Variants in FGGY observed in about 807,000 individuals in gnomAD.
FGGY encodes FGGY carbohydrate kinase domain-containing protein.
FGGY carries 72 observed loss-of-function variants against 71.3 expected under a neutral mutation model. That is an observed-to-expected ratio of 1.01 (90% CI 0.84 to 1.23). FGGY has a LOEUF of 1.23. Ranked by LOEUF, FGGY falls within the 50% of genes most tolerant of loss-of-function variation. FGGY has a pLI of 0.00. For missense variants in FGGY, 668 were observed against 682.3 expected, an observed-to-expected ratio of 0.98 and a Z score of 0.23; for synonymous variants, 251 against 250.3, an observed-to-expected ratio of 1.00 and a Z score of -0.02.
chr1:59,460,621 G>T (rs762280605), intron 6 of FGGY, among the ~76,000 whole-genome samples: 1 of 152,182 alleles, frequency 6.6e-6, no homozygotes, highest in South Asian at 2.1e-4. Flanking sequence ...CCTCACCCCC[G>T]TGTAGCCTAA....
In FGGY at chr1:59,557,945, C is replaced by T. The variant is rs1366511793; in HGVS notation, c.903+3718C>T. Among the ~76,000 whole-genome samples, 7 of 152,174 alleles carry T rather than the reference C, an allele frequency of 4.6e-5. No individual in the cohort carries two copies. The East Asian group carries it at 1.2e-3, about 25-fold the overall frequency. On this transcript the variant is annotated intron_variant, in intron 8 of 15. Coordinates refer to ENST00000303721, the MANE Select transcript of FGGY (RefSeq NM_018291.5). ...TGGGAACTACATCTGCATCTTAAAT[C>T]GCTCAGAACTGAAGTTTTTTCAGTC...
intron 5 of FGGY, among the ~76,000 whole-genome samples, chr1:59,429,836 A>C (rs112316334): frequency 3.3e-5 from 5 of 152,354 alleles, no homozygotes; most frequent in African/African-American, 1.2e-4. Flanking sequence ...CTGGAGTAAT[A>C]AGTGAGTGAC....
At chr1:59,376,581 G>C (rs962198054) in intron 4 of FGGY, among the ~76,000 whole-genome samples, 1 of 152,152 alleles carries the variant, frequency 6.6e-6, no homozygotes. Context: ...ACATGTGGAA[G>C]CCCTTTATAA....
intron 14 of FGGY, among the ~76,000 whole-genome samples, chr1:59,746,285 G>A (rs1341905755): frequency 1.3e-5 from 2 of 152,158 alleles, no homozygotes; most frequent in African/African-American, 2.4e-5. Context: ...TACTTGTCTG[G>A]AAATGATAAT....
chr1:59,685,399 A>G (rs2097536359), intron 14 of FGGY, among the ~76,000 whole-genome samples: 1 of 152,084 alleles, frequency 6.6e-6, no homozygotes, highest in Non-Finnish European at 1.5e-5. Flanking sequence ...ATTAGTGAAC[A>G]GAATAATTTA....
intron 8 of FGGY, among the ~76,000 whole-genome samples, chr1:59,554,556 A>C (rs756980674): frequency 2.0e-5 from 3 of 152,170 alleles, no homozygotes; most frequent in Non-Finnish European, 4.4e-5. Context: ...TCTGTCCCTA[A>C]TGGGTAGCGG....
intron 14 of FGGY, among the ~76,000 whole-genome samples, chr1:59,750,722 G>GAACAA (rs1422718356): frequency 6.6e-6 from 1 of 152,108 alleles, no homozygotes; most frequent in Non-Finnish European, 1.5e-5. Context: ...ATAAATAAGA[G>GAACAA]AACAACTAGC....
chr1:59,715,258 A>T (rs2097836410), intron 14 of FGGY, among the ~76,000 whole-genome samples: 1 of 152,208 alleles, frequency 6.6e-6, no homozygotes, highest in Non-Finnish European at 1.5e-5. Context: ...CAGCTGATCC[A>T]TTGGTACCAT....
chr1:59,430,111 G>GT (rs1173675426), intron 5 of FGGY, among the ~76,000 whole-genome samples: 3 of 152,178 alleles, frequency 2.0e-5, no homozygotes, highest in African/African-American at 7.2e-5. Context: ...TGTATCTTCA[G>GT]TTTTGCATGT....
At position 59,753,848 on chromosome 1, in the gene FGGY, G is replaced by T. The variant is rs977978838; in HGVS notation, c.1513-4083G>T. On this transcript the variant is annotated intron_variant, in intron 14 of 15. Transcript: ENST00000303721. ...TGTGCAGTAGAGCTAGTTTTTCCCT[G>T]CTCTGGTTAAAAATCCTGGTGGTTC... is the stretch of plus-strand genomic sequence containing the variant. Among the ~76,000 whole-genome samples the T allele has an allele frequency of 2.0e-5, 3 of 151,928 alleles. No individual in the cohort carries two copies. The East Asian group carries it at 5.8e-4, about 29-fold the overall frequency.
intron 6 of FGGY, among the ~76,000 whole-genome samples, chr1:59,489,112 G>A (rs898479549): frequency 3.3e-5 from 5 of 151,872 alleles, no homozygotes; most frequent in South Asian, 2.1e-4. Flanking sequence ...TTTAATTGAC[G>A]TTTTATACAT....
At chr1:59,701,610 T>G (rs1192028185) in intron 14 of FGGY, among the ~76,000 whole-genome samples, 1 of 152,108 alleles carries the variant, frequency 6.6e-6, no homozygotes, top group Admixed American at 6.6e-5. Context: ...ATGCCTCAGC[T>G]TTGGGGAGGC....
chr1:59,510,060 TACATAATGCTTGTTCTAA>T (rs2094483528), intron 6 of FGGY, among the ~76,000 whole-genome samples: 5 of 150,478 alleles, frequency 3.3e-5, no homozygotes, highest in African/African-American at 4.9e-5. Flanking sequence ...TTTTTTAACA[TACATAATGCTTGTTCTAA>T]AAATACTTCT....
intron 8 of FGGY, among the ~76,000 whole-genome samples, chr1:59,591,795 G>A (rs2096445438): frequency 6.6e-6 from 1 of 152,094 alleles, no homozygotes; most frequent in Non-Finnish European, 1.5e-5. Flanking sequence ...AATTCAAGAT[G>A]GATTAAAGAC....
chr1:59,405,768 G>C (rs1229720134), intron 5 of FGGY, among the ~76,000 whole-genome samples: 1 of 152,132 alleles, frequency 6.6e-6, no homozygotes, highest in Non-Finnish European at 1.5e-5. Context: ...TGGTTGGCTA[G>C]AGGAGTGGTA....
intron 5 of FGGY, among the ~76,000 whole-genome samples, chr1:59,395,270 G>A (rs2061188557): frequency 6.6e-6 from 1 of 151,976 alleles, no homozygotes; most frequent in Admixed American, 6.6e-5. Context: ...GAAATCGACT[G>A]GGAAGAGTTT....
At chr1:59,486,958 T>A (rs1465435381) in intron 6 of FGGY, among the ~76,000 whole-genome samples, 3 of 152,156 alleles carry the variant, frequency 2.0e-5, no homozygotes, top group African/African-American at 7.2e-5. Flanking sequence ...TATTTTAAAG[T>A]CTAGGTTGTA....
intron 9 of FGGY, among the ~76,000 whole-genome samples, chr1:59,618,319 T>C (rs2096776716): frequency 6.6e-6 from 1 of 152,118 alleles, no homozygotes; most frequent in Non-Finnish European, 1.5e-5. Context: ...CATGTGTATG[T>C]GGTCAGTGTT....
chr1:59,451,370 G>A (rs957031227), intron 5 of FGGY, among the ~76,000 whole-genome samples: 1 of 117,226 alleles, frequency 8.5e-6, no homozygotes, highest in African/African-American at 3.6e-5. Context: ...AGTTTTTTTT[G>A]TTGTTGTTTG....
Sources: gnomAD v4.1 joint callset for allele counts (sites outside exome capture counted in the v4.1 genomes callset) on GRCh38, gnomAD v4.1.1 for gene constraint, MANE v1.5 for transcripts, NCBI Gene and HGNC (gene_info 2026-07-23, HGNC 2026-07-21) for gene names.